The following ATRN variants were observed in gnomAD, a reference collection of about 807,000 sequenced individuals.
ATRN encodes the protein attractin-2.
In ATRN, 54 loss-of-function variants were observed where a neutral mutation model predicts 178.7. That is an observed-to-expected ratio of 0.30 (90% CI 0.24 to 0.38). ATRN has a LOEUF of 0.38. Ranked by LOEUF, ATRN falls within the 10% of genes least tolerant of loss-of-function variation. ATRN has a pLI of 1.00. For missense variants in ATRN, 1,443 were observed against 1,815.1 expected (o/e 0.79, Z 3.73); for synonymous variants, 636 against 663.0 (o/e 0.96, Z 0.63).
intron 15 of ATRN, among the ~76,000 whole-genome samples, chr20:3,581,083 G>C (rs1370206283): frequency 6.6e-6 from 1 of 151,986 alleles, no homozygotes; most frequent in African/African-American, 2.4e-5. Flanking sequence ...CTCTACAAAG[G>C]AAGTTTTTTT....
rs889531786 is a variant in ATRN, at chr20:3,600,949, A to G, written c.3568A>G (p.Asn1190Asp). 2 of 1,612,770 alleles carry G rather than the reference A, an allele frequency of 1.2e-6. No homozygotes were observed. Among genetic ancestry groups the G allele is most frequent in the Admixed American group, 3.3e-5 (2 of 59,914 alleles). ...AATAATTTGTACCGCTCATCAGCAA[A>G]ACAGGGATTTGGACATGTTCATCAA... ...INFVATPDEQNRDLDMFINAS... is the reference protein window; with the variant it reads ...INFVATPDEQDRDLDMFINAS... Residue 1190 changes from asparagine to aspartate, a missense_variant, in exon 23 of 29, where the codon AAC (asparagine) becomes GAC (aspartate). Asn to Asp is a conservative substitution (Grantham distance 23, BLOSUM62 1). Coordinates refer to ENST00000262919, the MANE Select transcript of ATRN (RefSeq NM_139321.3).
At chr20:3,511,290 A>G (rs2085123802) in intron 1 of ATRN, among the ~76,000 whole-genome samples, 1 of 152,220 alleles carries the variant, frequency 6.6e-6, no homozygotes, top group Non-Finnish European at 1.5e-5. Context: ...AAAGACAAAC[A>G]TTAGAAAAGA....
At chr20:3,634,851 TGA>T (rs1430242878) in intron 26 of ATRN, among the ~76,000 whole-genome samples, 2 of 152,260 alleles carry the variant, frequency 1.3e-5, no homozygotes, top group African/African-American at 4.8e-5. Context: ...GTTTTTAACT[TGA>T]GTTTTATTTT....
intron 2 of ATRN, among the ~76,000 whole-genome samples, chr20:3,536,617 A>G (rs2085537238): frequency 6.6e-6 from 1 of 152,212 alleles, no homozygotes. Context: ...TGTTAGTACA[A>G]ATGATATTTT....
chr20:3,542,296 T>C (rs2085633258), intron 3 of ATRN, among the ~76,000 whole-genome samples: 1 of 152,174 alleles, frequency 6.6e-6, no homozygotes, highest in South Asian at 2.1e-4. Context: ...ACAGAGCTCT[T>C]GTTGTATGCC....
At chr20:3,524,322 C>T (rs1194671130) in intron 1 of ATRN, among the ~76,000 whole-genome samples, 5 of 151,126 alleles carry the variant, frequency 3.3e-5, no homozygotes, top group African/African-American at 1.2e-4. Context: ...CAAAGAAGGA[C>T]ATTACATAAT....
At chr20:3,636,707 G>T (rs2087027720) in intron 26 of ATRN, among the ~76,000 whole-genome samples, 2 of 152,202 alleles carry the variant, frequency 1.3e-5, no homozygotes, top group African/African-American at 4.8e-5. Context: ...TGGATGAGGG[G>T]ACTGAGGCTC....
At position 3,471,042 on chromosome 20, in the gene ATRN, C is replaced by G. The variant is rs773029233; in HGVS notation, c.-66C>G. 1.3e-4 allele frequency: 192 copies of G among 1,426,906 alleles called. No homozygotes were observed. Among genetic ancestry groups the G allele is most frequent in the Non-Finnish European group, 1.6e-4 (180 of 1,095,624 alleles). The allele number at this position is 1,426,906 out of a possible 1,614,324, so 88.4% of individuals were successfully genotyped here. A position where few individuals can be genotyped will look rare whatever the true frequency, so the allele number is the denominator to read the frequency against. On this transcript the variant is annotated 5_prime_UTR_variant, in exon 1 of 29. Transcript: ENST00000262919. Reference sequence around the variant, plus strand: ...CACAGCCCCGCCCCGCACGGCCAGGCGAAGCGGAGCCGGCCGTGCGGTGTG... The same window carrying G: ...CACAGCCCCGCCCCGCACGGCCAGGGGAAGCGGAGCCGGCCGTGCGGTGTG...
chr20:3,521,932 C>G (rs927396859), intron 1 of ATRN, among the ~76,000 whole-genome samples: 2 of 151,626 alleles, frequency 1.3e-5, no homozygotes, highest in Non-Finnish European at 2.9e-5. Flanking sequence ...CAGGTACACT[C>G]TACCACATTC....
At chr20:3,489,006 G>T (rs539988732) in intron 1 of ATRN, among the ~76,000 whole-genome samples, 18 of 152,266 alleles carry the variant, frequency 1.2e-4, no homozygotes, top group African/African-American at 4.1e-4. Context: ...TGTTGCCCAG[G>T]CTGGAGTGCA....
chr20:3,551,937 CAT>C lies in ATRN; in HGVS notation c.1112+2600_1112+2601del, dbSNP rs1268559767. On this transcript the variant is annotated intron_variant, in intron 6 of 28. Coordinates refer to ENST00000262919, the MANE Select transcript of ATRN (RefSeq NM_139321.3). ...ATTTACCCTGTTGTATCACTGGCCA[CAT>C]GTGGTTATTTCATACCTGAAATATG... Among the ~76,000 whole-genome samples the C allele has an allele frequency of 3.9e-5, 6 of 152,288 alleles. No individual in the cohort carries two copies. In the East Asian group the frequency reaches 9.6e-4, roughly 24 times the overall value.
In ATRN at chr20:3,582,129, C is replaced by T. The variant is rs534851089; in HGVS notation, c.2545-6C>T. ...GTATTCATAGTTGTGTCTCTTTTGC[C>T]TTTAGTCCAAGCTCACCTTAACCCC... is the stretch of plus-strand genomic sequence containing the variant. On this transcript the variant is annotated splice_region_variant and splice_polypyrimidine_tract_variant and intron_variant, in intron 15 of 28. Coordinates refer to ENST00000262919, the MANE Select transcript of ATRN (RefSeq NM_139321.3). 9.3e-6 allele frequency: 15 copies of T among 1,612,280 alleles called. No individual in the cohort carries two copies. The South Asian group carries it at 1.4e-4, about 15-fold the overall frequency.
chr20:3,588,464 A>G (rs189168928), intron 18 of ATRN, among the ~76,000 whole-genome samples: 156 of 152,180 alleles, frequency 1.0e-3, no homozygotes, highest in Middle Eastern at 6.8e-3. Context: ...TTCTTTATTA[A>G]TACTATGTAT....
intron 1 of ATRN, among the ~76,000 whole-genome samples, chr20:3,496,277 T>C (rs538368446): frequency 4.4e-4 from 67 of 151,342 alleles, no homozygotes; most frequent in African/African-American, 1.5e-3. Context: ...CTGCTTTCTC[T>C]TGTGGGCATT....
At chr20:3,586,612 A>C (rs2146264596) in intron 18 of ATRN, among the ~76,000 whole-genome samples, 1 of 151,018 alleles carries the variant, frequency 6.6e-6, no homozygotes, top group South Asian at 2.1e-4. Flanking sequence ...GGATGGAAAC[A>C]AGGAATAATA....
At chr20:3,610,208 A>G (rs1044165634) in intron 24 of ATRN, among the ~76,000 whole-genome samples, 1 of 152,232 alleles carries the variant, frequency 6.6e-6, no homozygotes, top group Admixed American at 6.5e-5. Context: ...TTTATATGAA[A>G]GGGCAAAAGT....
intron 28 of ATRN, among the ~76,000 whole-genome samples, chr20:3,646,382 CACTGTGCTTGGTTGATGTGCTGA>C (rs2087108048): frequency 6.6e-6 from 1 of 152,188 alleles, no homozygotes; most frequent in Non-Finnish European, 1.5e-5. Context: ...CCAAGCAGAG[CACTGTGCTTGGTTGATGTGCTGA>C]AAAGCAAACT....
Position 3,490,028 on chromosome 20 carries a change from C to CA in ATRN, c.410+18512dup, listed in dbSNP as rs2084763656. 1.1e-5 allele frequency: 11 copies of CA among 1,022,048 alleles called. No individual in the cohort carries two copies. The Admixed American group carries it at 1.9e-4, about 17-fold the overall frequency. The allele number at this position is 1,022,048 out of a possible 1,614,324, so 63.3% of individuals were successfully genotyped here. ...TGAGATGTTGCTGTTCCCTGAGAGTCAGAGTATTCATAGATCTGGGCTTCT... is the reference window on the plus strand; with the variant it reads ...TGAGATGTTGCTGTTCCCTGAGAGTCAAGAGTATTCATAGATCTGGGCTTCT... On this transcript the variant is annotated intron_variant, in intron 1 of 28. Coordinates refer to ENST00000262919, the MANE Select transcript of ATRN (RefSeq NM_139321.3).
At chr20:3,598,241 A>G (rs2086559068) in intron 22 of ATRN, among the ~76,000 whole-genome samples, 1 of 152,198 alleles carries the variant, frequency 6.6e-6, no homozygotes, top group South Asian at 2.1e-4. Flanking sequence ...TTCCACGCAT[A>G]CTTACTCTGC....
Sources: gnomAD v4.1 joint callset for allele counts (sites outside exome capture counted in the v4.1 genomes callset) on GRCh38, gnomAD v4.1.1 for gene constraint, MANE v1.5 for transcripts, NCBI Gene and HGNC (gene_info 2026-07-23, HGNC 2026-07-21) for gene names.